GSAP: variants seen among roughly 807,000 people sequenced by gnomAD.
The protein encoded by GSAP is gamma-secretase activating protein.
GSAP carries 118 observed loss-of-function variants against 131.7 expected under a neutral mutation model. The ratio of observed to expected loss-of-function variants is 0.90; its 90% confidence interval spans 0.77 to 1.04. GSAP has a LOEUF of 1.04. GSAP is among the 50% of genes least tolerant of loss of function. GSAP has a pLI of 0.00. For missense variants in GSAP, 1,019 were observed against 1,013.2 expected, an observed-to-expected ratio of 1.01 and a Z score of -0.08; for synonymous variants, 381 against 363.4, an observed-to-expected ratio of 1.05 and a Z score of -0.55.
chr7:77,342,224 C>T (rs112130738), intron 19 of GSAP, among the ~76,000 whole-genome samples: 12,344 of 152,140 alleles, frequency 0.081, 713 homozygotes, highest in Non-Finnish European at 0.11. Context: ...ATGCTTTTGG[C>T]AACTCTTACA....
chr7:77,363,014 AATT>A (rs1442597512), intron 12 of GSAP, among the ~76,000 whole-genome samples: 1 of 152,220 alleles, frequency 6.6e-6, no homozygotes, highest in Non-Finnish European at 1.5e-5. Flanking sequence ...GTCACCTTGC[AATT>A]ATTACTAACA....
At chr7:77,330,400 A>C (rs1245534253) in intron 19 of GSAP, 33 bp from the exon 20 acceptor site, 21 of 1,607,292 alleles carry the variant, frequency 1.3e-5, no homozygotes, top group African/African-American at 2.7e-5. Context: ...TGGCCTTCAG[A>C]GGCAGGCCCA....
intron 26 of GSAP, among the ~76,000 whole-genome samples, chr7:77,319,158 CAA>C (rs1787266011): frequency 6.6e-6 from 1 of 152,018 alleles, no homozygotes; most frequent in East Asian, 1.9e-4. Flanking sequence ...ATATATCTAA[CAA>C]AGAGTTAATA....
chr7:77,333,534 T>G (rs1195057978), intron 19 of GSAP, among the ~76,000 whole-genome samples: 1 of 152,164 alleles, frequency 6.6e-6, no homozygotes, highest in African/African-American at 2.4e-5. Flanking sequence ...GGCATCCTAA[T>G]GTTCAGCCAG....
chr7:77,336,485 T>G (rs73703336), intron 19 of GSAP, among the ~76,000 whole-genome samples: 30,555 of 151,916 alleles, frequency 0.2, 3,281 homozygotes, highest in African/African-American at 0.23. Context: ...CAAGCTCTTT[T>G]TTTTTGTTTT....
At chr7:77,360,347 T>C (rs540523227) in intron 14 of GSAP, among the ~76,000 whole-genome samples, 276 of 152,210 alleles carry the variant, frequency 1.8e-3, no homozygotes, top group African/African-American at 6.5e-3. Flanking sequence ...CCATATTTAC[T>C]CAATGAAAAC....
At chr7:77,316,180 C>A (rs1040377759) in intron 26 of GSAP, 2 of 152,092 alleles carry the variant, frequency 1.3e-5, no homozygotes, top group Admixed American at 1.3e-4. Context: ...GAAGCTATTG[C>A]CTGAACGTGG....
At chr7:77,359,535 T>C (rs992442802) in intron 14 of GSAP, among the ~76,000 whole-genome samples, 1 of 152,132 alleles carries the variant, frequency 6.6e-6, no homozygotes, top group African/African-American at 2.4e-5. Flanking sequence ...TTGCACGTAA[T>C]AGCAAAAAAT....
At chr7:77,360,490 G>A (rs1263820501) in intron 14 of GSAP, among the ~76,000 whole-genome samples, 1 of 152,080 alleles carries the variant, frequency 6.6e-6, no homozygotes, top group Admixed American at 6.6e-5. Flanking sequence ...TTTCTCATGG[G>A]CTATTTGGGA....
intron 1 of GSAP, among the ~76,000 whole-genome samples, chr7:77,408,972 T>C (rs775821741): frequency 6.6e-6 from 1 of 152,104 alleles, no homozygotes; most frequent in Non-Finnish European, 1.5e-5. Context: ...ACTGAGAACT[T>C]AGACATCATC....
At chr7:77,370,719 G>A (rs1299150263) in intron 12 of GSAP, among the ~76,000 whole-genome samples, 1 of 152,026 alleles carries the variant, frequency 6.6e-6, no homozygotes, top group African/African-American at 2.4e-5. Context: ...GTCTACACAT[G>A]CTGCTATGAC....
At chr7:77,410,814 C>T (rs1803128540) in intron 1 of GSAP, among the ~76,000 whole-genome samples, 1 of 152,118 alleles carries the variant, frequency 6.6e-6, no homozygotes, top group African/African-American at 2.4e-5. Flanking sequence ...AAACGTCATT[C>T]AGCCTTATAC....
At chr7:77,311,790 G>T in intron 30 of GSAP, 51 bp downstream of exon 30, 2 of 864,218 alleles carry the variant, frequency 2.3e-6, no homozygotes, top group Non-Finnish European at 2.0e-6. Context: ...GGGAAGGACT[G>T]ATGTGTCAAG....
chr7:77,402,411 A>ATAT (rs374848303), intron 3 of GSAP, among the ~76,000 whole-genome samples: 9 of 136,176 alleles, frequency 6.6e-5, no homozygotes, highest in African/African-American at 8.3e-5. Context: ...AGAAAAAAAA[A>ATAT]ATATATATAT....
intron 28 of GSAP, 125 bp from the exon 29 acceptor site, chr7:77,312,327 T>C: frequency 1.8e-6 from 1 of 566,156 alleles, no homozygotes; most frequent in Middle Eastern, 4.4e-4. Flanking sequence ...AGGCCCTTGA[T>C]GATTAAGGAC....
intron 25 of GSAP, 26 bp from the exon 26 acceptor site, chr7:77,320,845 G>C: frequency 7.1e-7 from 1 of 1,401,950 alleles, no homozygotes; most frequent in Non-Finnish European, 1.0e-6. Context: ...AAAGCAGCAT[G>C]TCAGCCAAGG....
At chr7:77,325,861 G>A (rs1314059092) in intron 23 of GSAP, among the ~76,000 whole-genome samples, 2 of 152,188 alleles carry the variant, frequency 1.3e-5, no homozygotes, top group Admixed American at 1.3e-4. Context: ...ATGAGCCACT[G>A]TGCCCGGCCT....
chr7:77,331,178 G>A (rs904873702), intron 19 of GSAP, among the ~76,000 whole-genome samples: 6 of 152,162 alleles, frequency 3.9e-5, no homozygotes, highest in Non-Finnish European at 7.4e-5. Context: ...GCGGGCGCTT[G>A]TAGTCCCAGC....
At chr7:77,335,685 G>GA (rs1018470865) in intron 19 of GSAP, among the ~76,000 whole-genome samples, 4 of 151,700 alleles carry the variant, frequency 2.6e-5, no homozygotes, top group Admixed American at 6.6e-5. Context: ...ATTACTGCCA[G>GA]AAAAAAAATC....
Sources: allele counts gnomAD v4.1 joint callset (sites outside exome capture counted in the v4.1 genomes callset), GRCh38; gene constraint gnomAD v4.1.1; transcripts MANE v1.5; gene names NCBI Gene and HGNC (gene_info 2026-07-23, HGNC 2026-07-21).